SCAMP1: variants seen among roughly 807,000 people sequenced by gnomAD.
The protein encoded by SCAMP1 is secretory carrier membrane protein 1.
SCAMP1 carries 15 observed loss-of-function variants against 41.8 expected under a neutral mutation model. The ratio of observed to expected loss-of-function variants is 0.36; its 90% CI spans 0.24 to 0.55. The LOEUF (loss-of-function observed/expected upper bound fraction) is 0.55, where lower values mean the gene tolerates loss of function less well. Ranked by LOEUF, SCAMP1 falls within the 20% of genes least tolerant of loss-of-function variation. The probability of loss-of-function intolerance (pLI) is 0.86; values close to 1 mark genes in which losing one functional copy is unlikely to be tolerated. For synonymous variants in SCAMP1, 135 were observed against 136.8 expected (o/e 0.99, Z 0.09); for missense variants, 341 against 412.6 (o/e 0.83, Z 1.50).
At chr5:78,435,748 G>C (rs1388052946) in intron 6 of SCAMP1, among the ~76,000 whole-genome samples, 2 of 152,242 alleles carry the variant, frequency 1.3e-5, no homozygotes, top group South Asian at 2.1e-4. Context: ...GCCAGTAATG[G>C]GATGGCTGGG....
At chr5:78,461,949 ATGAAT>A (rs1753625944) in intron 8 of SCAMP1, among the ~76,000 whole-genome samples, 1 of 152,168 alleles carries the variant, frequency 6.6e-6, no homozygotes. Flanking sequence ...TTGGTTCCAT[ATGAAT>A]TTTAGAATTG....
chr5:78,391,860 G>A (rs1270232264), intron 2 of SCAMP1, among the ~76,000 whole-genome samples: 1 of 152,186 alleles, frequency 6.6e-6, no homozygotes, highest in Non-Finnish European at 1.5e-5. Context: ...TACAAAAACT[G>A]GTCAGGCGTG....
intron 1 of SCAMP1, among the ~76,000 whole-genome samples, chr5:78,361,971 C>T (rs866288276): frequency 6.6e-6 from 1 of 152,206 alleles, no homozygotes; most frequent in Non-Finnish European, 1.5e-5. Context: ...GACAACTCGA[C>T]TCACTTTGTA....
chr5:78,429,019 G>A (rs1036065078), intron 6 of SCAMP1, among the ~76,000 whole-genome samples: 13 of 152,002 alleles, frequency 8.6e-5, no homozygotes, highest in African/African-American at 3.1e-4. Flanking sequence ...TGCATGTGCT[G>A]GTGCACATGC....
rs940114291 is a variant in SCAMP1, at chr5:78,477,305, G to A, written c.*1637G>A. ...ATCTTATTGACATCAGGTATACTTGGAAGACATTTCTTTTATTCTTCAGCG... is the reference window on the plus strand; with the variant it reads ...ATCTTATTGACATCAGGTATACTTGAAAGACATTTCTTTTATTCTTCAGCG... On this transcript the variant is annotated 3_prime_UTR_variant, in exon 9 of 9. Coordinates refer to ENST00000621999, the MANE Select transcript of SCAMP1 (RefSeq NM_004866.6). The A allele has an allele frequency of 6.6e-6, 1 of 152,082 alleles. No individual in the cohort carries two copies. Among genetic ancestry groups the A allele is most frequent in the Non-Finnish European group, 1.5e-5 (1 of 67,948 alleles). 9.4% of individuals were successfully genotyped at this position (152,082 alleles called of 1,614,324 possible).
chr5:78,382,322 C>A (rs1015759860), intron 1 of SCAMP1, among the ~76,000 whole-genome samples: 2 of 152,108 alleles, frequency 1.3e-5, no homozygotes, highest in African/African-American at 4.8e-5. Context: ...ATTATAAATG[C>A]TTTTCACATG....
At chr5:78,466,820 C>G (rs1452459049) in intron 8 of SCAMP1, among the ~76,000 whole-genome samples, 4 of 152,076 alleles carry the variant, frequency 2.6e-5, no homozygotes, top group African/African-American at 7.2e-5. Context: ...TACTTGGAAA[C>G]ACTTAGGAGA....
chr5:78,475,033 C>T (rs1189461075), intron 8 of SCAMP1, among the ~76,000 whole-genome samples: 1 of 152,122 alleles, frequency 6.6e-6, no homozygotes, highest in Non-Finnish European at 1.5e-5. Context: ...GTGCTTGGTA[C>T]ATTAAATGAT....
In SCAMP1 at chr5:78,478,340, G is replaced by A. The variant is rs1408296572; in HGVS notation, c.*2672G>A. Reference sequence around the variant, plus strand: ...CAATTCAGAGACAGACATTGTTAAAGGTTTGATGTATATAGAAATTCCATG... The same window carrying A: ...CAATTCAGAGACAGACATTGTTAAAAGTTTGATGTATATAGAAATTCCATG... On this transcript the variant is annotated 3_prime_UTR_variant, in exon 9 of 9. Coordinates refer to ENST00000621999, the MANE Select transcript of SCAMP1 (RefSeq NM_004866.6). 1 of 152,482 alleles carries A rather than the reference G, an allele frequency of 6.6e-6. No homozygotes were observed. The highest frequency in any genetic ancestry group is 1.5e-5 in the Non-Finnish European group (1 of 67,960). 9.4% of individuals were successfully genotyped at this position (152,482 alleles called of 1,614,324 possible). A position where few individuals can be genotyped will look rare whatever the true frequency, so the allele number is the denominator to read the frequency against.
At chr5:78,452,927 T>TC (rs1257125383) in intron 7 of SCAMP1, among the ~76,000 whole-genome samples, 1 of 150,414 alleles carries the variant, frequency 6.6e-6, no homozygotes, top group Non-Finnish European at 1.5e-5. Flanking sequence ...TTTGCATTTC[T>TC]CTGATGGCCA....
intron 4 of SCAMP1, 130 bp downstream of exon 4, chr5:78,416,779 A>G (rs919283684): frequency 3.2e-6 from 2 of 631,750 alleles, no homozygotes; most frequent in African/African-American, 3.7e-5. Context: ...AGGAGATCAG[A>G]CACAGCAGAT....
intron 8 of SCAMP1, among the ~76,000 whole-genome samples, chr5:78,471,276 T>C (rs771906283): frequency 7.9e-5 from 12 of 152,090 alleles, no homozygotes; most frequent in Non-Finnish European, 1.0e-4. Context: ...TTATTTGAGA[T>C]AGTGCTTAAA....
At chr5:78,393,783 G>A (rs1410112006) in intron 2 of SCAMP1, among the ~76,000 whole-genome samples, 2 of 152,130 alleles carry the variant, frequency 1.3e-5, no homozygotes, top group Non-Finnish European at 2.9e-5. Flanking sequence ...CTTAAGAATT[G>A]ATGTATGTTT....
At chr5:78,384,156 T>G (rs1316968212) in intron 1 of SCAMP1, among the ~76,000 whole-genome samples, 2 of 148,004 alleles carry the variant, frequency 1.4e-5, no homozygotes, top group Non-Finnish European at 3.0e-5. Flanking sequence ...CCTCTTTGGT[T>G]AGGTATATTC....
At chr5:78,398,813 G>A (rs896121869) in intron 2 of SCAMP1, among the ~76,000 whole-genome samples, 13 of 152,050 alleles carry the variant, frequency 8.5e-5, no homozygotes, top group African/African-American at 3.1e-4. Flanking sequence ...CCAAAGTGTT[G>A]GGATTACAGG....
chr5:78,406,821 G>A (rs1477513277), intron 2 of SCAMP1, among the ~76,000 whole-genome samples: 1 of 152,152 alleles, frequency 6.6e-6, no homozygotes, highest in Non-Finnish European at 1.5e-5. Flanking sequence ...CCATCCATGG[G>A]ATGAGGATAT....
chr5:78,434,437 G>A (rs957777089), intron 6 of SCAMP1, among the ~76,000 whole-genome samples: 13 of 152,092 alleles, frequency 8.5e-5, no homozygotes, highest in African/African-American at 1.9e-4. Flanking sequence ...CTAAGCTGAA[G>A]CCTTCCCCTA....
chr5:78,376,046 A>C (rs4590164), intron 1 of SCAMP1, among the ~76,000 whole-genome samples: 11 of 152,070 alleles, frequency 7.2e-5, no homozygotes, highest in South Asian at 6.2e-4. Context: ...CTGTTCATAC[A>C]CCCCCTCCCC....
At chr5:78,426,369 C>T (rs1005190809) in intron 6 of SCAMP1, among the ~76,000 whole-genome samples, 5 of 152,204 alleles carry the variant, frequency 3.3e-5, no homozygotes, top group African/African-American at 9.7e-5. Flanking sequence ...GGAATTGCCA[C>T]ACTGTCTTCC....
Sources: allele counts gnomAD v4.1 joint callset (sites outside exome capture counted in the v4.1 genomes callset), GRCh38; gene constraint gnomAD v4.1.1; transcripts MANE v1.5; gene names NCBI Gene and HGNC (gene_info 2026-07-23, HGNC 2026-07-21).